The following KALRN variants were observed in gnomAD, a reference collection of about 807,000 sequenced individuals.
The protein encoded by KALRN is kalirin RhoGEF kinase.
In KALRN, 70 loss-of-function variants were observed where a neutral mutation model predicts 353.7. The ratio of observed to expected loss-of-function variants is 0.20; its 90% CI spans 0.16 to 0.24. KALRN has a LOEUF of 0.24. Ranked by LOEUF, KALRN falls within the 10% of genes least tolerant of loss-of-function variation. The pLI is 1.00. For synonymous variants in KALRN, 1,391 were observed against 1,434.8 expected, an observed-to-expected ratio of 0.97 and a Z score of 0.69; for missense variants, 2,791 against 3,756.7, an observed-to-expected ratio of 0.74 and a Z score of 6.72.
At chr3:124,504,814 C>T in intron 33 of KALRN, 1 of 469,932 alleles carries the variant, frequency 2.1e-6, no homozygotes, top group South Asian at 1.6e-5. Context: ...AGAACCAGTT[C>T]AGCCCCACCA....
At chr3:124,663,734 CTTGTTTT>C (rs1039467152) in intron 45 of KALRN, among the ~76,000 whole-genome samples, 7 of 151,802 alleles carry the variant, frequency 4.6e-5, no homozygotes, top group Admixed American at 2.0e-4. Context: ...AAATAAATGG[CTTGTTTT>C]TTGTTTTTTG....
Position 124,678,272 on chromosome 3 carries a change from C to T in KALRN, c.7276C>T (p.Arg2426Cys), listed in dbSNP as rs576463141. 5.6e-6 allele frequency: 9 copies of T among 1,614,014 alleles called. No individual in the cohort carries two copies. The highest frequency in any genetic ancestry group is 2.7e-5 in the African/African-American group (2 of 75,034). ...GGGTAAAAATGAAGCCACAGGGCCTCGTAAACCCAAGGATATTCTGGGCAA... is the reference window on the plus strand; with the variant it reads ...GGGTAAAAATGAAGCCACAGGGCCTTGTAAACCCAAGGATATTCTGGGCAA... ...NTGKNEATGPRKPKDILGNKV... is the reference protein window; with the variant it reads ...NTGKNEATGPCKPKDILGNKV... The change falls in exon 50 of 60, where the codon CGT (arginine) becomes TGT (cysteine). Residue 2426 changes from arginine (R) to cysteine (C), a missense_variant. Arg to Cys is a radical substitution (Grantham distance 180). This residue lies in a region of KALRN where 1,065 missense variants were observed against 1,156.4 expected (regional missense o/e 0.92). Transcript: ENST00000682506.
rs1458823613 is a variant in KALRN, at chr3:124,455,326, C to T, written c.3702C>T (p.Tyr1234=). ...CCCTGAGGATGGGAAAGTACCGATA[C>T]TCACTGGAGAAAGCCCTAGGAGTCA... ...DFSLRMGKYR[Y]SLEKALGVNT... The change falls in exon 22 of 60, where the codon TAC becomes TAT. Residue 1234 remains tyrosine (Y), a synonymous_variant. Transcript: ENST00000682506. 1.2e-6 allele frequency: 2 copies of T among 1,614,170 alleles called. No homozygotes were observed. Among genetic ancestry groups the T allele is most frequent in the African/African-American group, 2.7e-5 (2 of 75,054 alleles).
chr3:124,064,735 G>A (rs915827187), intron 1 of KALRN, among the ~76,000 whole-genome samples: 2 of 152,126 alleles, frequency 1.3e-5, no homozygotes, highest in African/African-American at 4.8e-5. Flanking sequence ...TTTGGGGTTG[G>A]GAATCTCAAA....
At chr3:124,571,996 T>G (rs540992637) in intron 34 of KALRN, among the ~76,000 whole-genome samples, 3 of 152,116 alleles carry the variant, frequency 2.0e-5, no homozygotes, top group Admixed American at 2.0e-4. Flanking sequence ...AATTTTTTAA[T>G]TTGGGGTGCA....
At chr3:124,227,682 T>A (rs1168026748) in intron 1 of KALRN, among the ~76,000 whole-genome samples, 4 of 66,268 alleles carry the variant, frequency 6.0e-5, no homozygotes, top group African/African-American at 1.8e-4. Context: ...TTTTTTTTTT[T>A]TTTTTTTTTT....
intron 34 of KALRN, among the ~76,000 whole-genome samples, chr3:124,583,178 G>A (rs1322378109): frequency 1.3e-5 from 2 of 152,210 alleles, no homozygotes; most frequent in Admixed American, 6.5e-5. Context: ...TGTCCCATGA[G>A]TGTGTTTCTT....
At chr3:124,665,400 G>A (rs1482591352) in intron 45 of KALRN, among the ~76,000 whole-genome samples, 1 of 152,206 alleles carries the variant, frequency 6.6e-6, no homozygotes. Flanking sequence ...TCAGCTAGGT[G>A]TCAGGTGGCC....
chr3:124,077,547 A>G (rs2060317883), intron 1 of KALRN, among the ~76,000 whole-genome samples: 1 of 152,090 alleles, frequency 6.6e-6, no homozygotes, highest in Non-Finnish European at 1.5e-5. Flanking sequence ...ATTCAGGTGC[A>G]TAGCTTGGGA....
At chr3:124,520,475 C>A (rs1243024220) in intron 33 of KALRN, among the ~76,000 whole-genome samples, 3 of 152,080 alleles carry the variant, frequency 2.0e-5, no homozygotes, top group Admixed American at 6.6e-5. Context: ...CTAGCTAGGG[C>A]AGGGGTCCCC....
intron 1 of KALRN, among the ~76,000 whole-genome samples, chr3:124,083,679 A>C (rs1178874003): frequency 6.6e-6 from 1 of 152,226 alleles, no homozygotes; most frequent in African/African-American, 2.4e-5. Flanking sequence ...CAACTGTTAG[A>C]ATTGGCATTT....
At chr3:124,534,112 G>A (rs754324465) in intron 33 of KALRN, among the ~76,000 whole-genome samples, 7 of 152,062 alleles carry the variant, frequency 4.6e-5, no homozygotes, top group Non-Finnish European at 1.0e-4. Flanking sequence ...ATATTCAAAA[G>A]CAAGGAAATC....
intron 1 of KALRN, among the ~76,000 whole-genome samples, chr3:124,102,290 CCT>C (rs2061938579): frequency 6.6e-6 from 1 of 152,114 alleles, no homozygotes; most frequent in Non-Finnish European, 1.5e-5. Flanking sequence ...AGAACAATTC[CCT>C]GTTGTTCTAT....
intron 22 of KALRN, among the ~76,000 whole-genome samples, chr3:124,455,916 A>G (rs1435671736): frequency 6.6e-6 from 1 of 152,184 alleles, no homozygotes; most frequent in Non-Finnish European, 1.5e-5. Flanking sequence ...TGGCAATTTA[A>G]TCCTAGGATG....
intron 19 of KALRN, among the ~76,000 whole-genome samples, chr3:124,442,791 C>G (rs1467462309): frequency 6.6e-6 from 1 of 152,024 alleles, no homozygotes; most frequent in Non-Finnish European, 1.5e-5. Context: ...TCAAGACCAG[C>G]CTGGGCAACA....
intron 1 of KALRN, among the ~76,000 whole-genome samples, chr3:124,200,331 A>G (rs934526673): frequency 6.6e-6 from 1 of 152,248 alleles, no homozygotes; most frequent in Non-Finnish European, 1.5e-5. Flanking sequence ...CTTACAAACA[A>G]CAAACCTTTA....
In KALRN at chr3:124,714,536, T is replaced by C. The variant is rs147631060; in HGVS notation, c.8276+1401T>C. ...GGCCCCGAGTCCTCATCTGTGAAGA[T>C]TGAAATTCCTCCAACTTCCCAGAGA... On this transcript the variant is annotated intron_variant, in intron 58 of 59. Transcript: ENST00000682506. 2.2e-3 allele frequency among the ~76,000 whole-genome samples: 342 copies of C among 152,286 alleles called. 3 individuals are homozygous for C. Among genetic ancestry groups the C allele is most frequent in the African/African-American group, 7.9e-3 (327 of 41,558 alleles).
chr3:124,270,664 G>A (rs986558155), intron 5 of KALRN, among the ~76,000 whole-genome samples: 1 of 152,038 alleles, frequency 6.6e-6, no homozygotes, highest in African/African-American at 2.4e-5. Flanking sequence ...GTCTGACCCT[G>A]GCCTGACCTG....
intron 3 of KALRN, among the ~76,000 whole-genome samples, chr3:124,260,014 C>G (rs1480585287): frequency 6.6e-6 from 1 of 152,120 alleles, no homozygotes; most frequent in Non-Finnish European, 1.5e-5. Context: ...CTGAATCTTA[C>G]CCTTCAGTGC....
Sources: allele counts gnomAD v4.1 joint callset (sites outside exome capture counted in the v4.1 genomes callset), GRCh38; gene constraint gnomAD v4.1.1; regional missense constraint gnomAD v4.1.1; transcripts MANE v1.5; gene names NCBI Gene and HGNC (gene_info 2026-07-23, HGNC 2026-07-21).